The following NUBP1 variants were observed in gnomAD, a reference collection of about 807,000 sequenced individuals.
NUBP1 encodes the protein NUBP iron-sulfur cluster assembly factor 1, cytosolic.
In NUBP1, 46 loss-of-function variants were observed where a neutral mutation model predicts 41.8. The observed-to-expected ratio is 1.10, with a 90% CI of 0.87 to 1.41. The LOEUF (loss-of-function observed/expected upper bound fraction) is 1.41, where lower values mean the gene tolerates loss of function less well. Ranked by LOEUF, NUBP1 falls within the 40% of genes most tolerant of loss-of-function variation. The pLI is 0.00. For missense variants in NUBP1, 494 were observed against 414.0 expected (o/e 1.19, Z -1.68); for synonymous variants, 189 against 154.6 (o/e 1.22, Z -1.65).
Position 10,743,883 on chromosome 16 carries a change from G to A in NUBP1, c.19+1G>A. On this transcript the variant is annotated splice_donor_variant, in intron 1 of 10. Coordinates refer to ENST00000283027, the MANE Select transcript of NUBP1 (RefSeq NM_002484.4). LOFTEE classifies it high-confidence loss of function. ...GACGGAATGGAGGAGGTGCCTCACGGTAAGCTCGCGGAGGGGGCGTGGGTC... is the reference window on the plus strand; with the variant it reads ...GACGGAATGGAGGAGGTGCCTCACGATAAGCTCGCGGAGGGGGCGTGGGTC... The A allele has an allele frequency of 6.4e-7, 1 of 1,567,786 alleles. No individual in the cohort carries two copies.
chr16:10,749,072 C>T lies in NUBP1; in HGVS notation c.258+1796C>T, dbSNP rs1199848490. ...CCCTACTGCACTCCAGCCTGGGTGA[C>T]AGACAAGACTCCATTTAAAAAAAAA... On this transcript the variant is annotated intron_variant, in intron 3 of 10. Transcript: ENST00000283027. The surrounding 1 kb of genome is among the most constrained non-coding windows in gnomAD (Gnocchi z 4.1). 6.7e-6 allele frequency among the ~76,000 whole-genome samples: 1 copy of T among 149,872 alleles called. No individual in the cohort carries two copies. Among genetic ancestry groups the T allele is most frequent in the African/African-American group, 2.5e-5 (1 of 40,500 alleles).
intron 9 of NUBP1, among the ~76,000 whole-genome samples, chr16:10,763,090 A>C (rs2030255626): frequency 6.6e-6 from 1 of 151,972 alleles, no homozygotes; most frequent in Admixed American, 6.6e-5. Flanking sequence ...CTGCCAGTAC[A>C]AGTCACCTGG....
At chr16:10,744,103 C>A in intron 2 of NUBP1, 38 bp downstream of exon 2, 1 of 1,424,506 alleles carries the variant, frequency 7.0e-7, no homozygotes, top group East Asian at 2.8e-5. Flanking sequence ...AACTTAGAGG[C>A]GCAGGCCCGG....
intron 8 of NUBP1, 29 bp downstream of exon 8, chr16:10,761,503 C>A (rs2029895586): frequency 6.4e-7 from 1 of 1,565,618 alleles, no homozygotes; most frequent in African/African-American, 1.4e-5. Context: ...GCCAGGCGAG[C>A]AAGATCTTGC....
At position 10,768,115 on chromosome 16, in the gene NUBP1, T is replaced by G. The variant is rs2031174005; in HGVS notation, c.904+83T>G. 1 of 1,340,898 alleles carries G rather than the reference T, an allele frequency of 7.5e-7. No homozygotes were observed. Among genetic ancestry groups the G allele is most frequent in the African/African-American group, 1.4e-5 (1 of 69,260 alleles). The allele number at this position is 1,340,898 out of a possible 1,614,324, so 83.1% of individuals were successfully genotyped here. ...GGAGCCAGGGGTGTGGAAGGACAGG[T>G]GGGTGGTGGGGTCTGTGATGACCAC... On this transcript the variant is annotated intron_variant, in intron 10 of 10. Transcript: ENST00000283027. This position sits in a 1 kb window ranked among gnomAD's most constrained non-coding sequence, Gnocchi z 4.3.
intron 7 of NUBP1, among the ~76,000 whole-genome samples, chr16:10,758,275 A>G (rs1186373827): frequency 6.6e-6 from 1 of 152,196 alleles, no homozygotes; most frequent in Non-Finnish European, 1.5e-5. Flanking sequence ...GTTCGGGACC[A>G]GCCTGAAAAA....
chr16:10,769,091 C>CTCA lies in NUBP1; in HGVS notation c.953_955dup (p.Ile318dup). 1 of 1,613,994 alleles carries CTCA rather than the reference C, an allele frequency of 6.2e-7. No individual in the cohort carries two copies. The highest frequency in any genetic ancestry group is 2.2e-5 in the East Asian group (1 of 44,870). On this transcript the variant is annotated inframe_insertion, in exon 11 of 11. Coordinates refer to ENST00000283027, the MANE Select transcript of NUBP1 (RefSeq NM_002484.4). The stretch of plus-strand genomic sequence containing the variant: ...TCTCCATCAGTCAAAAGAAGAGAAC[C>CTCA]TCATCAGTTCCTGAAACGAGAGAAT...
chr16:10,743,860 C>T lies in NUBP1; in HGVS notation c.-4C>T. On this transcript the variant is annotated 5_prime_UTR_variant, in exon 1 of 11. It adds an upstream start codon to the 5' untranslated region. Transcript: ENST00000283027. ...GTGACCACGAAGGCGGCAAAGGCGA[C>T]GGAATGGAGGAGGTGCCTCACGGTA... 2 of 1,563,354 alleles carry T rather than the reference C, an allele frequency of 1.3e-6. No individual in the cohort carries two copies. Among genetic ancestry groups the T allele is most frequent in the African/African-American group, 1.4e-5 (1 of 73,672 alleles).
At chr16:10,763,351 AG>A (rs967062786) in intron 9 of NUBP1, among the ~76,000 whole-genome samples, 6 of 151,852 alleles carry the variant, frequency 4.0e-5, no homozygotes, top group East Asian at 1.9e-4. Flanking sequence ...AGGAAGTGGT[AG>A]GGGGGTAGGG....
At chr16:10,762,779 GT>G (rs1292523906) in intron 9 of NUBP1, among the ~76,000 whole-genome samples, 1 of 150,614 alleles carries the variant, frequency 6.6e-6, no homozygotes, top group Non-Finnish European at 1.5e-5. Context: ...GGCGGGTGAA[GT>G]ATGGCCTGGC....
At position 10,749,595 on chromosome 16, in the gene NUBP1, G is replaced by C. The variant is rs1338600565; in HGVS notation, c.258+2319G>C. ...TCCCCAGGCAGACCTACTCATGACAGTGACATCACTATCTGCAAAGTGTCA... is the reference window on the plus strand; with the variant it reads ...TCCCCAGGCAGACCTACTCATGACACTGACATCACTATCTGCAAAGTGTCA... On this transcript the variant is annotated intron_variant, in intron 3 of 10. Coordinates refer to ENST00000283027, the MANE Select transcript of NUBP1 (RefSeq NM_002484.4). The surrounding 1 kb of genome is among the most constrained non-coding windows in gnomAD (Gnocchi z 4.1). Among the ~76,000 whole-genome samples the C allele has an allele frequency of 6.6e-6, 1 of 152,126 alleles. No individual in the cohort carries two copies. The highest frequency in any genetic ancestry group is 1.5e-5 in the Non-Finnish European group (1 of 68,036).
Position 10,759,851 on chromosome 16 carries a change from C to T in NUBP1, c.607-1513C>T, listed in dbSNP as rs1203029094. Among the ~76,000 whole-genome samples, 2 of 152,224 alleles carry T rather than the reference C, an allele frequency of 1.3e-5. No individual in the cohort carries two copies. The highest frequency in any genetic ancestry group is 3.8e-4 in the East Asian group (2 of 5,196). ...TAGCTGAGCGCCCCTTCCTCCGCAT[C>T]CCAGCCTCAGTGTCAAGAGCCAAAC... is the stretch of plus-strand genomic sequence containing the variant. On this transcript the variant is annotated intron_variant, in intron 7 of 10. Transcript: ENST00000283027. This position sits in a 1 kb window ranked among gnomAD's most constrained non-coding sequence, Gnocchi z 4.7.
In NUBP1 at chr16:10,761,748, G is replaced by C. The variant is rs780071977; in HGVS notation, c.718-9G>C. Reference sequence around the variant, plus strand: ...ATTATGTTTCCTCCCCTTTGAATTTGCCTTGCAGAAAGAATCTCAGATATT... The same window carrying C: ...ATTATGTTTCCTCCCCTTTGAATTTCCCTTGCAGAAAGAATCTCAGATATT... On this transcript the variant is annotated splice_polypyrimidine_tract_variant and intron_variant, in intron 8 of 10. Coordinates refer to ENST00000283027, the MANE Select transcript of NUBP1 (RefSeq NM_002484.4). The C allele has an allele frequency of 6.2e-7, 1 of 1,607,250 alleles. No individual in the cohort carries two copies. The highest frequency in any genetic ancestry group is 2.2e-5 in the East Asian group (1 of 44,688).
rs1331195133 is a variant in NUBP1, at chr16:10,744,158, C to T, written c.124+93C>T. 4.9e-5 allele frequency: 59 copies of T among 1,196,186 alleles called. 2 individuals are homozygous for T. The South Asian group carries it at 8.4e-4, about 17-fold the overall frequency. The allele number at this position is 1,196,186 out of a possible 1,614,324, so 74.1% of individuals were successfully genotyped here. ...GGAGGGGGCGGGATCTGCAGAATGACTGACAGCGGCAGGCTAGAAGGTATT... is the reference window on the plus strand; with the variant it reads ...GGAGGGGGCGGGATCTGCAGAATGATTGACAGCGGCAGGCTAGAAGGTATT... On this transcript the variant is annotated intron_variant, in intron 2 of 10. Coordinates refer to ENST00000283027, the MANE Select transcript of NUBP1 (RefSeq NM_002484.4).
intron 10 of NUBP1, 45 bp from the exon 11 acceptor site, chr16:10,769,002 G>C (rs762658687): frequency 3.8e-6 from 6 of 1,567,540 alleles, no homozygotes; most frequent in Non-Finnish European, 5.3e-6. Context: ...CTGTCAAGGG[G>C]TAGACAAGCC....
chr16:10,759,800 G>A lies in NUBP1; in HGVS notation c.607-1564G>A, dbSNP rs1900817688. 6.6e-6 allele frequency among the ~76,000 whole-genome samples: 1 copy of A among 152,092 alleles called. No homozygotes were observed. Among genetic ancestry groups the A allele is most frequent in the Non-Finnish European group, 1.5e-5 (1 of 68,012 alleles). ...CAAAAAAAGAAAGAAAGAAATGAGAGACTGAGTCGCAGCCCATTGACTTTC... is the reference window on the plus strand; with the variant it reads ...CAAAAAAAGAAAGAAAGAAATGAGAAACTGAGTCGCAGCCCATTGACTTTC... On this transcript the variant is annotated intron_variant, in intron 7 of 10. Transcript: ENST00000283027. The surrounding 1 kb of genome is among the most constrained non-coding windows in gnomAD (Gnocchi z 4.7).
chr16:10,757,874 C>T lies in NUBP1; in HGVS notation c.453C>T (p.Gly151=). 1.2e-6 allele frequency: 2 copies of T among 1,613,362 alleles called. No homozygotes were observed. Among genetic ancestry groups the T allele is most frequent in the Non-Finnish European group, 1.7e-6 (2 of 1,179,426 alleles). The change falls in exon 7 of 11, where the codon GGC becomes GGT. Residue 151 remains glycine, a splice_region_variant and synonymous_variant. Transcript: ENST00000283027. The surrounding 1 kb of genome is among the most constrained non-coding windows in gnomAD (Gnocchi z 4.1). The part of the protein sequence containing the change: ...AVIWRGPKKN[G]MIKQFLRDVD... ...TCCCCTGTGGATTCCTCTTTCTAGG[C>T]ATGATCAAGCAGTTCCTCCGAGATG... is the stretch of plus-strand genomic sequence containing the variant.
In NUBP1 at chr16:10,766,474, G is replaced by T. The variant is rs1339915912; in HGVS notation, c.821-1475G>T. Among the ~76,000 whole-genome samples, 1 of 152,112 alleles carries T rather than the reference G, an allele frequency of 6.6e-6. No individual in the cohort carries two copies. The highest frequency in any genetic ancestry group is 1.5e-5 in the Non-Finnish European group (1 of 68,002). ...GGGCTGGGGAGCCCTCTGGGGAAGG[G>T]AGACCTGGGTGAAAGTCAGGGACAG... is the stretch of plus-strand genomic sequence containing the variant. On this transcript the variant is annotated intron_variant, in intron 9 of 10. Coordinates refer to ENST00000283027, the MANE Select transcript of NUBP1 (RefSeq NM_002484.4). This position sits in a 1 kb window ranked among gnomAD's most constrained non-coding sequence, Gnocchi z 4.8.
chr16:10,748,259 C>A (rs1391286720), intron 3 of NUBP1, among the ~76,000 whole-genome samples: 4 of 152,116 alleles, frequency 2.6e-5, no homozygotes, highest in African/African-American at 9.7e-5. Context: ...CCTAAAATTG[C>A]AATTTTTAAA....
Sources: allele counts gnomAD v4.1 joint callset (sites outside exome capture counted in the v4.1 genomes callset), GRCh38; gene constraint gnomAD v4.1.1; non-coding constraint Gnocchi (gnomAD v3.1); transcripts MANE v1.5; gene names NCBI Gene and HGNC (gene_info 2026-07-23, HGNC 2026-07-21).